AFG2A: variants seen among roughly 807,000 people sequenced by gnomAD.
The protein encoded by AFG2A is AAA ATPase AFG2A.
the AFG2A span, among the ~76,000 whole-genome samples, chr4:122,981,756 A>G: frequency 6.6e-6 from 1 of 151,992 alleles, no homozygotes; most frequent in Non-Finnish European, 1.5e-5. Flanking sequence ...TTTTCGGTAT[A>G]TTTAAAAAAT....
the AFG2A span, among the ~76,000 whole-genome samples, chr4:123,216,425 GT>G: frequency 6.6e-6 from 1 of 152,078 alleles, no homozygotes; most frequent in Non-Finnish European, 1.5e-5. Context: ...GCCTTAGAGA[GT>G]TGCTTTAAGG....
the AFG2A span, among the ~76,000 whole-genome samples, chr4:123,152,338 G>T: frequency 1.3e-5 from 2 of 152,194 alleles, no homozygotes; most frequent in South Asian, 4.2e-4. Context: ...GCTACAGGCT[G>T]GGGGAGAATA....
chr4:123,284,686 C>T, the AFG2A span, among the ~76,000 whole-genome samples: 1 of 152,156 alleles, frequency 6.6e-6, no homozygotes, highest in African/African-American at 2.4e-5. Flanking sequence ...CACCTGTCTT[C>T]ACTTTACCCA....
the AFG2A span, among the ~76,000 whole-genome samples, chr4:122,976,901 G>T: frequency 6.6e-6 from 1 of 152,058 alleles, no homozygotes; most frequent in Non-Finnish European, 1.5e-5. Context: ...TTTTTTTATG[G>T]ATGTTGTTTT....
chr4:123,246,354 C>G, the AFG2A span, among the ~76,000 whole-genome samples: 7 of 152,190 alleles, frequency 4.6e-5, no homozygotes, highest in Admixed American at 4.6e-4. Flanking sequence ...GGAAGTTGCA[C>G]TTCGTTCCTG....
At chr4:122,970,154 A>G in the AFG2A span, among the ~76,000 whole-genome samples, 176 of 152,342 alleles carry the variant, frequency 1.2e-3, no homozygotes, top group African/African-American at 4.1e-3. Flanking sequence ...TTCCAGTCCT[A>G]TAAGCCTCAT....
the AFG2A span, among the ~76,000 whole-genome samples, chr4:123,078,006 T>C: frequency 6.6e-6 from 1 of 152,166 alleles, no homozygotes; most frequent in Non-Finnish European, 1.5e-5. Context: ...CTTACACAGA[T>C]TATATTAATG....
the AFG2A span, among the ~76,000 whole-genome samples, chr4:123,184,532 C>CATTTTTTTT: frequency 1.1e-5 from 1 of 89,280 alleles, no homozygotes. Context: ...ATGATCATTT[C>CATTTTTTTT]TTTTTTTTTT....
the AFG2A span, among the ~76,000 whole-genome samples, chr4:123,023,274 C>G: frequency 6.6e-6 from 1 of 152,028 alleles, no homozygotes; most frequent in East Asian, 1.9e-4. Flanking sequence ...TGATCACTAC[C>G]TGGGTGAGGG....
At chr4:123,285,216 T>A in the AFG2A span, among the ~76,000 whole-genome samples, 1 of 152,130 alleles carries the variant, frequency 6.6e-6, no homozygotes, top group South Asian at 2.1e-4. Context: ...TTTTGCTCCA[T>A]CTGTCAGAAT....
At chr4:123,241,057 T>C in the AFG2A span, among the ~76,000 whole-genome samples, 3 of 151,996 alleles carry the variant, frequency 2.0e-5, no homozygotes, top group African/African-American at 7.2e-5. Flanking sequence ...TTCCTGGACA[T>C]ATACACCCTC....
the AFG2A span, among the ~76,000 whole-genome samples, chr4:123,041,041 T>C: frequency 6.6e-6 from 1 of 152,064 alleles, no homozygotes; most frequent in Admixed American, 6.5e-5. Context: ...AGTGATGTAA[T>C]GATATTATCT....
chr4:123,070,728 G>A, the AFG2A span, among the ~76,000 whole-genome samples: 1 of 152,136 alleles, frequency 6.6e-6, no homozygotes. Context: ...TCAATCACCA[G>A]GCAAGTATGA....
At chr4:123,103,881 TAGTC>T in the AFG2A span, among the ~76,000 whole-genome samples, 3 of 152,052 alleles carry the variant, frequency 2.0e-5, no homozygotes, top group Admixed American at 2.0e-4. Flanking sequence ...TAAGTAAAAA[TAGTC>T]AGATATAAAA....
At chr4:122,954,588 G>A in the AFG2A span, among the ~76,000 whole-genome samples, 2 of 152,184 alleles carry the variant, frequency 1.3e-5, no homozygotes, top group Admixed American at 1.3e-4. Context: ...CTTCAAACAG[G>A]CTACCTGACA....
At chr4:123,172,056 C>T in the AFG2A span, among the ~76,000 whole-genome samples, 85,248 of 151,908 alleles carry the variant, frequency 0.56, 26,891 homozygotes, top group Non-Finnish European at 0.7. Context: ...CAGAGTGTAT[C>T]GTTCTTTTTG....
chr4:123,221,690 C>G, the AFG2A span, among the ~76,000 whole-genome samples: 1 of 151,914 alleles, frequency 6.6e-6, no homozygotes, highest in African/African-American at 2.4e-5. Context: ...TTTGGGAGAC[C>G]GAGGTGAGCA....
chr4:122,935,224 T>A, the AFG2A span, among the ~76,000 whole-genome samples: 290 of 152,334 alleles, frequency 1.9e-3, no homozygotes, highest in South Asian at 4.1e-3. Flanking sequence ...TCTGCTTTTT[T>A]CCTTTCTCAT....
the AFG2A span, among the ~76,000 whole-genome samples, chr4:123,089,945 G>A: frequency 0.91 from 138,203 of 152,196 alleles, 62,980 homozygotes; most frequent in East Asian, 0.98. Context: ...CATGAAGTTA[G>A]AGGATAGTGT....
Sources: gnomAD v4.1 joint callset for allele counts (sites outside exome capture counted in the v4.1 genomes callset) on GRCh38, gnomAD v4.1.1 for gene constraint, MANE v1.5 for transcripts, NCBI Gene and HGNC (gene_info 2026-07-23, HGNC 2026-07-21) for gene names.